FGF13: variants seen among roughly 807,000 people sequenced by gnomAD.
FGF13 encodes fibroblast growth factor 13, also known as fibroblast growth factor homologous factor 2.
Under a neutral mutation model 19.5 loss-of-function variants are expected in FGF13, and 2 were observed. That is an observed-to-expected ratio of 0.10 (90% CI 0.04 to 0.32). The LOEUF (loss-of-function observed/expected upper bound fraction) is 0.32. Among genes scored for constraint, FGF13 ranks in the 10% least tolerant of loss-of-function variants. The probability of loss-of-function intolerance (pLI) is 1.00; values close to 1 mark genes in which losing one functional copy is unlikely to be tolerated. For missense variants in FGF13, 113 were observed against 192.7 expected (o/e 0.59, Z 2.45); for synonymous variants, 72 against 76.9 (o/e 0.94, Z 0.33).
intron 3 of FGF13, among the ~76,000 whole-genome samples, chrX:138,778,406 G>A (rs1021184406): frequency 7.8e-4 from 87 of 111,906 alleles, no homozygotes; most frequent in Non-Finnish European, 1.1e-3. Context: ...TGAGGTACCG[G>A]GTTCATCTCA....
At chrX:139,065,114 TA>T (rs1356909029) in intron 1 of FGF13, among the ~76,000 whole-genome samples, 1 of 110,805 alleles carries the variant, frequency 9.0e-6, no homozygotes, top group Admixed American at 9.7e-5. Context: ...ATTGAGATGT[TA>T]TCACCAACAG....
chrX:138,855,240 C>G (rs1217848241), downstream of FGF13, among the ~76,000 whole-genome samples: 1 of 111,396 alleles, frequency 9.0e-6, no homozygotes, highest in African/African-American at 3.3e-5. Context: ...GGCAATGTTT[C>G]CTTATTTATC....
chrX:138,896,456 C>T (rs2091504770), intron 1 of FGF13, among the ~76,000 whole-genome samples: 1 of 111,718 alleles, frequency 9.0e-6, no homozygotes, highest in African/African-American at 3.3e-5. Flanking sequence ...TAGCCTCTCA[C>T]TTTCCTAATC....
chrX:138,733,162 A>G (rs778424532), intron 1 of FGF13, among the ~76,000 whole-genome samples: 8 of 111,944 alleles, frequency 7.1e-5, no homozygotes, highest in African/African-American at 2.6e-4. Flanking sequence ...ATAAAATCAG[A>G]TTATTTTATT....
At chrX:138,837,803 C>A (rs771364941) in intron 3 of FGF13, among the ~76,000 whole-genome samples, 20 of 111,752 alleles carry the variant, frequency 1.8e-4, no homozygotes, top group Non-Finnish European at 3.8e-4. Flanking sequence ...GCTGGACTGG[C>A]TATGTCACCT....
At chrX:138,772,018 GTATATATATATATATATATATATATATA>G (rs56411673) in intron 3 of FGF13, among the ~76,000 whole-genome samples, 15 of 56,546 alleles carry the variant, frequency 2.7e-4, no homozygotes, top group Admixed American at 1.4e-3. Flanking sequence ...ATACATATGT[GTATATATATATATATATATATATATATA>G]TATATATATA....
intron 3 of FGF13, among the ~76,000 whole-genome samples, chrX:138,660,025 T>C (rs1477804111): frequency 1.2e-3 from 3 of 2,605 alleles, no homozygotes; most frequent in Non-Finnish European, 2.0e-3. Flanking sequence ...TGTATAACTA[T>C]GTAACAAGCC....
chrX:138,983,922 T>C (rs1018887825), intron 1 of FGF13, among the ~76,000 whole-genome samples: 2 of 111,089 alleles, frequency 1.8e-5, no homozygotes, highest in African/African-American at 6.5e-5. Flanking sequence ...CCTATAGTTA[T>C]ACGACATTTT....
At chrX:138,947,684 C>T (rs1273004078) in intron 1 of FGF13, among the ~76,000 whole-genome samples, 1 of 111,334 alleles carries the variant, frequency 9.0e-6, no homozygotes, top group African/African-American at 3.3e-5. Context: ...CAAACAAATC[C>T]ATCACCAAGT....
chrX:139,131,428 G>T (rs983350089), intron 1 of FGF13, among the ~76,000 whole-genome samples: 4 of 105,156 alleles, frequency 3.8e-5, no homozygotes, highest in African/African-American at 7.0e-5. Flanking sequence ...TGTGTGCAAA[G>T]GATTAAATTT....
chrX:138,757,312 T>C (rs1290127133), intron 3 of FGF13, among the ~76,000 whole-genome samples: 1 of 109,826 alleles, frequency 9.1e-6, no homozygotes, highest in Non-Finnish European at 1.9e-5. Context: ...GAATTCCAAG[T>C]GGCATGCAAT....
In FGF13 at chrX:138,798,332, G is replaced by T. The variant is rs775743897; in HGVS notation, c.217+59180C>A. Among the ~76,000 whole-genome samples the T allele has an allele frequency of 4.5e-5, 5 of 111,986 alleles. No homozygotes were observed. The South Asian group carries it at 1.9e-3, about 42-fold the overall frequency. On this transcript the variant is annotated intron_variant, in intron 3 of 6. Transcript: ENST00000436198. ...TATTGAGATAAACCATGAGGTTTTTGTCATTGGATCTGTTTATGTGATGGA... is the reference window on the plus strand; with the variant it reads ...TATTGAGATAAACCATGAGGTTTTTTTCATTGGATCTGTTTATGTGATGGA...
chrX:138,886,167 G>C (rs58503097), intron 1 of FGF13, among the ~76,000 whole-genome samples: 4,500 of 111,526 alleles, frequency 0.04, 228 homozygotes, highest in African/African-American at 0.14. Context: ...TTTCACTTAC[G>C]AAGTGCAAAA....
chrX:138,709,279 G>A (rs2090020114), intron 1 of FGF13, among the ~76,000 whole-genome samples: 1 of 112,027 alleles, frequency 8.9e-6, no homozygotes. Flanking sequence ...TCATGTGAAA[G>A]GAAAAGGAGA....
chrX:139,022,803 C>A (rs2092183392), intron 1 of FGF13, among the ~76,000 whole-genome samples: 1 of 111,334 alleles, frequency 9.0e-6, no homozygotes, highest in South Asian at 3.8e-4. Context: ...CCAAAAGAAG[C>A]AAGCTCTGTC....
chrX:138,968,810 G>A (rs1037560859), intron 1 of FGF13, among the ~76,000 whole-genome samples: 1 of 111,738 alleles, frequency 8.9e-6, no homozygotes, highest in African/African-American at 3.3e-5. Flanking sequence ...ATTACTTCAG[G>A]CAGAGGAAAT....
intron 1 of FGF13, among the ~76,000 whole-genome samples, chrX:139,098,360 C>A (rs1365720532): frequency 9.0e-6 from 1 of 111,442 alleles, no homozygotes; most frequent in Non-Finnish European, 1.9e-5. Context: ...ACCCAGTAAT[C>A]CCCCTACTGG....
At chrX:138,766,126 A>G (rs943637023) in intron 3 of FGF13, among the ~76,000 whole-genome samples, 1 of 112,269 alleles carries the variant, frequency 8.9e-6, no homozygotes, top group Non-Finnish European at 1.9e-5. Flanking sequence ...GTGTACTAGC[A>G]TTTGACACCA....
chrX:138,758,198 A>G (rs1180791776), intron 3 of FGF13, among the ~76,000 whole-genome samples: 1 of 111,168 alleles, frequency 9.0e-6, no homozygotes, highest in South Asian at 3.9e-4. Flanking sequence ...AGCTCAGGGA[A>G]CCTAGTCCTC....
Sources: allele counts gnomAD v4.1 joint callset (sites outside exome capture counted in the v4.1 genomes callset), GRCh38; gene constraint gnomAD v4.1.1; transcripts MANE v1.5; gene names NCBI Gene and HGNC (gene_info 2026-07-23, HGNC 2026-07-21).